The following HIP1 variants were observed in gnomAD, a reference collection of about 807,000 sequenced individuals.
HIP1 encodes the protein huntingtin interacting protein 1, also known as huntingtin-interacting protein 1.
A neutral mutation model predicts 147.6 loss-of-function variants in HIP1; 65 were observed. The ratio of observed to expected loss-of-function variants is 0.44; its 90% CI spans 0.36 to 0.54. The LOEUF is 0.54. Ranked by LOEUF, HIP1 falls within the 20% of genes least tolerant of loss-of-function variation. The probability of loss-of-function intolerance (pLI) is 0.00; values close to 1 mark genes in which losing one functional copy is unlikely to be tolerated. For synonymous variants in HIP1, 479 were observed against 504.0 expected, an observed-to-expected ratio of 0.95 and a Z score of 0.67; for missense variants, 1,061 against 1,299.6, an observed-to-expected ratio of 0.82 and a Z score of 2.82.
At chr7:75,538,735 A>C (rs377387611) in intron 30 of HIP1, among the ~76,000 whole-genome samples, 1 of 145,376 alleles carries the variant, frequency 6.9e-6, no homozygotes, top group Non-Finnish European at 1.5e-5. Context: ...CCACCACGCC[A>C]GGCTAATTTT....
intron 5 of HIP1, among the ~76,000 whole-genome samples, chr7:75,583,812 G>A (rs1479542153): frequency 6.7e-5 from 10 of 148,850 alleles, no homozygotes; most frequent in African/African-American, 2.5e-4. Context: ...GTGTTTAGTA[G>A]AGATGGGGTT....
At chr7:75,632,134 T>G (rs949984535) in intron 1 of HIP1, among the ~76,000 whole-genome samples, 5 of 152,182 alleles carry the variant, frequency 3.3e-5, no homozygotes, top group Non-Finnish European at 7.4e-5. Flanking sequence ...TTCTGTCAAT[T>G]GCAAATGTCT....
intron 5 of HIP1, among the ~76,000 whole-genome samples, chr7:75,585,347 T>C (rs1428316964): frequency 6.6e-6 from 1 of 151,374 alleles, no homozygotes; most frequent in Non-Finnish European, 1.5e-5. Context: ...AATTTCTTTT[T>C]GTATTTTTAG....
chr7:75,673,612 T>C (rs1238238725), intron 1 of HIP1, among the ~76,000 whole-genome samples: 1 of 152,136 alleles, frequency 6.6e-6, no homozygotes, highest in Non-Finnish European at 1.5e-5. Context: ...ATAAGTATTT[T>C]ATTCTTTTCT....
intron 1 of HIP1, among the ~76,000 whole-genome samples, chr7:75,661,951 T>C (rs1261112829): frequency 6.6e-6 from 1 of 151,536 alleles, no homozygotes; most frequent in Non-Finnish European, 1.5e-5. Context: ...GATTTGCATA[T>C]GGTGGGAGGC....
intron 1 of HIP1, among the ~76,000 whole-genome samples, chr7:75,715,960 A>G (rs1472099714): frequency 6.6e-6 from 1 of 151,854 alleles, no homozygotes. Flanking sequence ...GAACAGAGAG[A>G]GCCAGGCTCT....
chr7:75,607,357 T>C (rs1332444904), intron 1 of HIP1, among the ~76,000 whole-genome samples: 1 of 150,852 alleles, frequency 6.6e-6, no homozygotes, highest in Non-Finnish European at 1.5e-5. Flanking sequence ...AGCTTCCCAG[T>C]AGCTGGGATT....
At chr7:75,678,365 A>T (rs1249377384) in intron 1 of HIP1, among the ~76,000 whole-genome samples, 1 of 124,808 alleles carries the variant, frequency 8.0e-6, no homozygotes, top group Non-Finnish European at 1.6e-5. Context: ...TTTTTTTGAG[A>T]CAGCATCTCA....
chr7:75,636,005 A>G (rs2117141741), intron 1 of HIP1, among the ~76,000 whole-genome samples: 1 of 145,196 alleles, frequency 6.9e-6, no homozygotes. Context: ...AGCCTGGGCA[A>G]CAGAACAAGA....
intron 25 of HIP1, 41 bp from the exon 26 acceptor site, chr7:75,545,229 C>G (rs1016023431): frequency 3.4e-6 from 4 of 1,167,468 alleles, no homozygotes; most frequent in Admixed American, 1.8e-5. Flanking sequence ...TTTTATTGAG[C>G]ATGTACTATA....
intron 1 of HIP1, among the ~76,000 whole-genome samples, chr7:75,667,401 C>T (rs1173891267): frequency 6.6e-6 from 1 of 152,152 alleles, no homozygotes; most frequent in Admixed American, 6.6e-5. Flanking sequence ...AAACTTGTTT[C>T]ACAAGGCTGT....
intron 2 of HIP1, 97 bp from the exon 3 acceptor site, chr7:75,592,611 C>A: frequency 2.4e-6 from 3 of 1,257,228 alleles, no homozygotes; most frequent in East Asian, 2.4e-5. Context: ...AGCCTGCACC[C>A]AGCCATCACA....
rs1277559303 is a variant in HIP1, at chr7:75,552,946, CT to C, written c.2295+506del. Among the ~76,000 whole-genome samples the C allele has an allele frequency of 3.2e-4, 45 of 141,804 alleles. 1 individual carries two copies. The South Asian group carries it at 3.2e-3, about 10-fold the overall frequency. The allele number at this position is 141,804 out of a possible 152,430, so 93.0% of individuals were successfully genotyped here. A position where few individuals can be genotyped will look rare whatever the true frequency, so the allele number is the denominator to read the frequency against. On this transcript the variant is annotated intron_variant, in intron 22 of 30. Transcript: ENST00000336926. ...CTCAAACTTCTGGGATCAAGTGATCCTTTTTTTTTTCGAGATAGATCTCACT... is the reference window on the plus strand; with the variant it reads ...CTCAAACTTCTGGGATCAAGTGATCCTTTTTTTTTCGAGATAGATCTCACT...
chr7:75,695,833 C>T (rs560277616), intron 1 of HIP1, among the ~76,000 whole-genome samples: 6 of 152,082 alleles, frequency 3.9e-5, no homozygotes, highest in Admixed American at 1.3e-4. Flanking sequence ...CCTTGGCCTC[C>T]CAAAGTGCTG....
chr7:75,700,142 T>A (rs1407495955), intron 1 of HIP1, among the ~76,000 whole-genome samples: 2 of 152,122 alleles, frequency 1.3e-5, no homozygotes, highest in Non-Finnish European at 2.9e-5. Context: ...TGAGCCACCG[T>A]GCCTGGCCGG....
At position 75,541,165 on chromosome 7, in the gene HIP1, G is replaced by C. The variant is rs587699087; in HGVS notation, c.2952+754C>G. ...TAATCCCAGCACTTTGGAAGGCCCA[G>C]GTGGGCAGATCACAAGGTCAGGAGT... On this transcript the variant is annotated intron_variant, in intron 29 of 30. Transcript: ENST00000336926. 4.6e-5 allele frequency among the ~76,000 whole-genome samples: 7 copies of C among 152,192 alleles called. No individual in the cohort carries two copies. In the South Asian group the frequency reaches 1.2e-3, roughly 27 times the overall value.
intron 7 of HIP1, among the ~76,000 whole-genome samples, chr7:75,575,316 T>C (rs1017949033): frequency 8.0e-5 from 12 of 150,496 alleles, no homozygotes; most frequent in Non-Finnish European, 1.6e-4. Flanking sequence ...AAAAATTAGC[T>C]GGGTGTGGTG....
At chr7:75,641,779 G>A (rs1798663578) in intron 1 of HIP1, among the ~76,000 whole-genome samples, 1 of 152,126 alleles carries the variant, frequency 6.6e-6, no homozygotes. Context: ...GTGCCTGACT[G>A]TTTTTCTACA....
rs868994169 is a variant in HIP1 at position 75,639,592 on chromosome 7, T to C, written c.121-40345A>G. Among the ~76,000 whole-genome samples, 381 of 148,720 alleles carry C rather than the reference T, an allele frequency of 2.6e-3. 2 individuals carry two copies. Among genetic ancestry groups the C allele is most frequent in the South Asian group, 6.8e-3 (32 of 4,694 alleles). ...GTGTGTGTGTGTGTGTGTGTGTGTG[T>C]GCGCCCGCGTGTGTGTGCAGGCGTG... On this transcript the variant is annotated intron_variant, in intron 1 of 30. Coordinates refer to ENST00000336926, the MANE Select transcript of HIP1 (RefSeq NM_005338.7).
Sources: gnomAD v4.1 joint callset for allele counts (sites outside exome capture counted in the v4.1 genomes callset) on GRCh38, gnomAD v4.1.1 for gene constraint, MANE v1.5 for transcripts, NCBI Gene and HGNC (gene_info 2026-07-23, HGNC 2026-07-21) for gene names.